The following GRM1 variants were observed in gnomAD, a reference collection of about 807,000 sequenced individuals.
GRM1 encodes the protein glutamate metabotropic receptor 1, also known as metabotropic glutamate receptor 1.
In GRM1, 33 loss-of-function variants were observed where a neutral mutation model predicts 90.9. That is an observed-to-expected ratio of 0.36 (90% CI 0.28 to 0.49). The LOEUF is 0.49. Among genes scored for constraint, GRM1 ranks in the 20% least tolerant of loss-of-function variants. The probability of loss-of-function intolerance (pLI) is 0.99; values close to 1 mark genes in which losing one functional copy is unlikely to be tolerated. For missense variants in GRM1, 1,190 were observed against 1,534.3 expected, an observed-to-expected ratio of 0.78 and a Z score of 3.75; for synonymous variants, 700 against 613.2, an observed-to-expected ratio of 1.14 and a Z score of -2.09.
intron 2 of GRM1, among the ~76,000 whole-genome samples, chr6:146,175,227 T>C (rs1279194381): frequency 4.6e-5 from 7 of 152,236 alleles, no homozygotes; most frequent in Non-Finnish European, 2.9e-5. Flanking sequence ...GAAATCACTT[T>C]TTCTGATTAA....
chr6:146,046,759 A>G (rs1213472044), intron 1 of GRM1, among the ~76,000 whole-genome samples: 1 of 138,800 alleles, frequency 7.2e-6, no homozygotes, highest in Non-Finnish European at 1.6e-5. Flanking sequence ...GTACAGTAAA[A>G]TAATATTTTT....
intron 7 of GRM1, among the ~76,000 whole-genome samples, chr6:146,422,125 T>C (rs1384087079): frequency 1.3e-5 from 2 of 152,166 alleles, no homozygotes; most frequent in African/African-American, 4.8e-5. Context: ...TGGAATTGTA[T>C]AGAACATTTT....
chr6:146,044,323 A>G (rs564965667), intron 1 of GRM1, among the ~76,000 whole-genome samples: 1 of 152,082 alleles, frequency 6.6e-6, no homozygotes, highest in East Asian at 1.9e-4. Flanking sequence ...TGAGAAATGG[A>G]GAGGAAGCTT....
chr6:146,143,566 T>G (rs1776977842), intron 1 of GRM1, among the ~76,000 whole-genome samples: 1 of 152,258 alleles, frequency 6.6e-6, no homozygotes, highest in Admixed American at 6.5e-5. Flanking sequence ...TCTTGTTCCC[T>G]GTTTTTCAGT....
intron 1 of GRM1, among the ~76,000 whole-genome samples, chr6:146,090,819 G>A (rs1315867791): frequency 6.6e-6 from 1 of 151,998 alleles, no homozygotes; most frequent in African/African-American, 2.4e-5. Context: ...TCTAAGCATG[G>A]CCCACATTCT....
intron 3 of GRM1, among the ~76,000 whole-genome samples, chr6:146,324,559 A>T (rs1192415696): frequency 6.6e-6 from 1 of 152,222 alleles, no homozygotes; most frequent in Non-Finnish European, 1.5e-5. Context: ...TGGTATGGGC[A>T]TCTGAGGGAA....
At position 146,434,069 on chromosome 6, in the gene GRM1, C is replaced by T; in HGVS notation, c.2858C>T (p.Thr953Ile). 1 of 1,614,098 alleles carries T rather than the reference C, an allele frequency of 6.2e-7. No individual in the cohort carries two copies. Among genetic ancestry groups the T allele is most frequent in the Non-Finnish European group, 8.5e-7 (1 of 1,179,944 alleles). Residue 953 changes from threonine (T) to isoleucine (I), a missense_variant, in exon 8 of 8, where the codon ACC (threonine) becomes ATC (isoleucine). Physicochemically the swap from Thr to Ile is moderately conservative, Grantham distance 89 (BLOSUM62 -1). Transcript: ENST00000282753. ...ACCTTTTCAGATACCAGCACCAAGA[C>T]CCTTTACAACGTAGAGGAGGAGGAG... is the stretch of plus-strand genomic sequence containing the variant. ...SLTFSDTSTK[T>I]LYNVEEEEDA...
intron 2 of GRM1, among the ~76,000 whole-genome samples, chr6:146,202,859 A>G (rs1779349990): frequency 6.6e-6 from 1 of 152,182 alleles, no homozygotes; most frequent in South Asian, 2.1e-4. Flanking sequence ...TCTGTCTGAT[A>G]GCATTTTATT....
At chr6:146,177,699 A>T (rs541687165) in intron 2 of GRM1, among the ~76,000 whole-genome samples, 1 of 152,086 alleles carries the variant, frequency 6.6e-6, no homozygotes, top group East Asian at 1.9e-4. Flanking sequence ...CATTAAATGC[A>T]TTTTTGCAAT....
chr6:146,195,854 G>C (rs1374876201), intron 2 of GRM1, among the ~76,000 whole-genome samples: 2 of 152,198 alleles, frequency 1.3e-5, no homozygotes, highest in Non-Finnish European at 2.9e-5. Context: ...GTTTCATACA[G>C]TAGGAACACT....
intron 5 of GRM1, among the ~76,000 whole-genome samples, chr6:146,364,458 C>G (rs1775603243): frequency 6.6e-6 from 1 of 152,196 alleles, no homozygotes; most frequent in African/African-American, 2.4e-5. Context: ...GTCCCCATGA[C>G]CCACTCCAGC....
intron 1 of GRM1, among the ~76,000 whole-genome samples, chr6:146,042,866 T>C (rs975263152): frequency 2.0e-5 from 3 of 152,006 alleles, no homozygotes; most frequent in African/African-American, 7.2e-5. Context: ...TTTAATTTAC[T>C]ACAAAGGCTA....
chr6:146,120,324 A>G (rs544537442), intron 1 of GRM1, among the ~76,000 whole-genome samples: 1 of 152,312 alleles, frequency 6.6e-6, no homozygotes, highest in African/African-American at 2.4e-5. Flanking sequence ...CTATCAGCTT[A>G]AGGAGATTTT....
chr6:146,337,620 C>T (rs539536883), intron 3 of GRM1, among the ~76,000 whole-genome samples: 4 of 152,234 alleles, frequency 2.6e-5, no homozygotes, highest in South Asian at 2.1e-4. Context: ...ATTCAAAAAG[C>T]GCTGCTTCCA....
At chr6:146,097,586 G>A (rs1017958056) in intron 1 of GRM1, among the ~76,000 whole-genome samples, 58 of 152,314 alleles carry the variant, frequency 3.8e-4, no homozygotes, top group African/African-American at 1.4e-3. Context: ...AGCTATTTCT[G>A]TGTTCTCAAA....
intron 2 of GRM1, among the ~76,000 whole-genome samples, chr6:146,222,903 A>G (rs945268700): frequency 6.6e-6 from 1 of 152,048 alleles, no homozygotes; most frequent in African/African-American, 2.4e-5. Context: ...TAGCGGAGTC[A>G]TTGGGGGTGT....
At chr6:146,164,191 T>C (rs1317371735) in intron 2 of GRM1, among the ~76,000 whole-genome samples, 1 of 152,144 alleles carries the variant, frequency 6.6e-6, no homozygotes, top group Non-Finnish European at 1.5e-5. Context: ...TTAATATATG[T>C]TGTCTCTAGT....
chr6:146,098,090 A>G (rs1044712957), intron 1 of GRM1, among the ~76,000 whole-genome samples: 6 of 152,208 alleles, frequency 3.9e-5, no homozygotes, highest in African/African-American at 1.4e-4. Context: ...GGTCTCAGTC[A>G]TTCTTCAATG....
At chr6:146,328,058 G>C (rs1352498813) in intron 3 of GRM1, among the ~76,000 whole-genome samples, 2 of 152,118 alleles carry the variant, frequency 1.3e-5, no homozygotes, top group Non-Finnish European at 2.9e-5. Context: ...AGGGGCAGCT[G>C]CTCATAAAAA....
Sources: gnomAD v4.1 joint callset for allele counts (sites outside exome capture counted in the v4.1 genomes callset) on GRCh38, gnomAD v4.1.1 for gene constraint, MANE v1.5 for transcripts, NCBI Gene and HGNC (gene_info 2026-07-23, HGNC 2026-07-21) for gene names.